The following DPP6 variants were observed in gnomAD, a reference collection of about 807,000 sequenced individuals.
DPP6 encodes dipeptidyl peptidase like 6.
A neutral mutation model predicts 122.6 loss-of-function variants in DPP6; 69 were observed. The ratio of observed to expected loss-of-function variants is 0.56; its 90% CI spans 0.46 to 0.69. The LOEUF (loss-of-function observed/expected upper bound fraction) is 0.69, where lower values mean the gene tolerates loss of function less well. DPP6 is among the 30% of genes least tolerant of loss of function. The probability of loss-of-function intolerance (pLI) is 0.00; values close to 1 mark genes in which losing one functional copy is unlikely to be tolerated. For missense variants in DPP6, 928 were observed against 1,116.9 expected, an observed-to-expected ratio of 0.83 and a Z score of 2.41; for synonymous variants, 418 against 433.1, an observed-to-expected ratio of 0.97 and a Z score of 0.43.
At chr7:154,406,171 C>T (rs1033595840) in intron 1 of DPP6, among the ~76,000 whole-genome samples, 1 of 152,158 alleles carries the variant, frequency 6.6e-6, no homozygotes, top group Non-Finnish European at 1.5e-5. Flanking sequence ...TAGGTAGTCT[C>T]ACCCTTCTAA....
chr7:154,440,846 C>A (rs1004935702), intron 1 of DPP6, among the ~76,000 whole-genome samples: 2 of 152,146 alleles, frequency 1.3e-5, no homozygotes, highest in East Asian at 1.9e-4. Flanking sequence ...ATGTGGCTGG[C>A]AAGGCTGGAC....
At chr7:154,432,246 A>G (rs1818486478) in intron 1 of DPP6, among the ~76,000 whole-genome samples, 1 of 152,206 alleles carries the variant, frequency 6.6e-6, no homozygotes, top group Non-Finnish European at 1.5e-5. Flanking sequence ...TTTCTAATAC[A>G]TGTTATTTGA....
intron 1 of DPP6, among the ~76,000 whole-genome samples, chr7:154,355,555 G>A (rs975791372): frequency 2.0e-5 from 3 of 152,138 alleles, no homozygotes; most frequent in African/African-American, 7.2e-5. Flanking sequence ...GTGTGAGGTA[G>A]GGGTCATGAT....
intron 1 of DPP6, among the ~76,000 whole-genome samples, chr7:154,278,104 G>A (rs556585154): frequency 6.6e-6 from 1 of 152,296 alleles, no homozygotes; most frequent in East Asian, 1.9e-4. Context: ...TGACCACTTT[G>A]TTTCATTAAG....
intron 1 of DPP6, among the ~76,000 whole-genome samples, chr7:153,898,790 A>G (rs916576174): frequency 6.6e-6 from 1 of 152,160 alleles, no homozygotes; most frequent in Non-Finnish European, 1.5e-5. Flanking sequence ...AACCAGCCTT[A>G]TTTCTACTGG....
intron 3 of DPP6, chr7:154,475,517 A>G (rs1480199439): frequency 1.2e-5 from 2 of 167,952 alleles, no homozygotes; most frequent in African/African-American, 4.8e-5. Context: ...AGTGCTGTAC[A>G]CAGATGCAGA....
At chr7:154,409,803 G>A (rs904011935) in intron 1 of DPP6, among the ~76,000 whole-genome samples, 1 of 152,192 alleles carries the variant, frequency 6.6e-6, no homozygotes, top group African/African-American at 2.4e-5. Flanking sequence ...TCCCTGACCT[G>A]TGGCACCACT....
intron 6 of DPP6, among the ~76,000 whole-genome samples, chr7:154,666,236 A>G (rs1277535758): frequency 2.2e-5 from 2 of 91,850 alleles, no homozygotes; most frequent in African/African-American, 3.9e-5. Flanking sequence ...CATACATACT[A>G]TAACACATAC....
At chr7:153,937,931 A>C (rs1023161105) in intron 1 of DPP6, among the ~76,000 whole-genome samples, 6 of 152,174 alleles carry the variant, frequency 3.9e-5, no homozygotes, top group African/African-American at 7.2e-5. Context: ...CACATGCCAG[A>C]TCCCATTCAA....
chr7:154,179,746 G>A (rs1275898599), intron 1 of DPP6, among the ~76,000 whole-genome samples: 1 of 152,200 alleles, frequency 6.6e-6, no homozygotes, highest in Non-Finnish European at 1.5e-5. Context: ...CACAACATGT[G>A]AAGTTGTTAA....
In DPP6 at chr7:154,052,631, C is replaced by G. The variant is rs1032938709; in HGVS notation, c.-190C>G. 5.5e-6 allele frequency: 7 copies of G among 1,274,992 alleles called. No individual in the cohort carries two copies. The highest frequency in any genetic ancestry group is 7.0e-6 in the Non-Finnish European group (7 of 1,001,984). The allele number at this position is 1,274,992 out of a possible 1,614,324, so 79.0% of individuals were successfully genotyped here. A position where few individuals can be genotyped will look rare whatever the true frequency, so the allele number is the denominator to read the frequency against. On this transcript the variant is annotated 5_prime_UTR_variant, in exon 1 of 26. Coordinates refer to ENST00000377770, the MANE Select transcript of DPP6 (RefSeq NM_130797.4). This position sits in a 1 kb window ranked among gnomAD's most constrained non-coding sequence, Gnocchi z 4.8. The stretch of plus-strand genomic sequence containing the variant: ...AGGAGGCTGAGCCAGGCAGAGTCGC[C>G]AGCGGAGACTCGCGAGTGGCGCGCG...
At chr7:154,185,922 G>A (rs1416306617) in intron 1 of DPP6, among the ~76,000 whole-genome samples, 3 of 152,282 alleles carry the variant, frequency 2.0e-5, no homozygotes, top group Admixed American at 6.5e-5. Context: ...GTATATAAGC[G>A]GGTATTTCTT....
intron 1 of DPP6, among the ~76,000 whole-genome samples, chr7:154,164,906 G>C (rs1323370215): frequency 1.3e-5 from 2 of 152,174 alleles, no homozygotes; most frequent in Non-Finnish European, 2.9e-5. Flanking sequence ...CAGCTGGTAT[G>C]AATGAGGCTG....
chr7:154,147,330 A>G (rs1340228416), intron 1 of DPP6, among the ~76,000 whole-genome samples: 5 of 152,178 alleles, frequency 3.3e-5, no homozygotes, highest in Non-Finnish European at 5.9e-5. Context: ...CTGTGGATGA[A>G]TACATGCATA....
intron 1 of DPP6, among the ~76,000 whole-genome samples, chr7:154,203,875 TAGAG>T (rs1279144032): frequency 4.6e-5 from 7 of 152,226 alleles, no homozygotes; most frequent in Admixed American, 3.9e-4. Context: ...TATAAGAAGA[TAGAG>T]GCAGTAACAT....
intron 3 of DPP6, among the ~76,000 whole-genome samples, chr7:154,524,550 G>A (rs1357137523): frequency 6.6e-6 from 1 of 152,150 alleles, no homozygotes; most frequent in Non-Finnish European, 1.5e-5. Context: ...GCCTCTTCTT[G>A]GATGACTGGA....
the DPP6 span, among the ~76,000 whole-genome samples, chr7:153,829,107 A>G: frequency 6.6e-6 from 1 of 152,202 alleles, no homozygotes; most frequent in Non-Finnish European, 1.5e-5. Context: ...TGTAGAAACA[A>G]TATTTTGCAA....
At position 153,947,567 on chromosome 7, in the gene DPP6, G is replaced by GCAGTGGAGACCTGAAGAGA. The variant is rs1169195648; in HGVS notation, c.51+59839_51+59857dup. ...CATGTGATATGGAAGCCTTCCTAAGGCAGTGGAGACCTGAAGAGACAGTGA... is the reference window on the plus strand; with the variant it reads ...CATGTGATATGGAAGCCTTCCTAAGGCAGTGGAGACCTGAAGAGACAGTGGAGACCTGAAGAGACAGTGA... On this transcript the variant is annotated intron_variant, in intron 1 of 25. Transcript: ENST00000404039. Among the ~76,000 whole-genome samples, 231 of 152,274 alleles carry GCAGTGGAGACCTGAAGAGA rather than the reference G, an allele frequency of 1.5e-3. 1 individual carries two copies. The highest frequency in any genetic ancestry group is 5.4e-3 in the African/African-American group (226 of 41,544).
At chr7:154,585,672 AATGTAAATGCT>A (rs1832392778) in intron 5 of DPP6, among the ~76,000 whole-genome samples, 1 of 152,250 alleles carries the variant, frequency 6.6e-6, no homozygotes, top group African/African-American at 2.4e-5. Flanking sequence ...AATCAAATAC[AATGTAAATGCT>A]ATGTAAAAAG....
Sources: gnomAD v4.1 joint callset for allele counts (sites outside exome capture counted in the v4.1 genomes callset) on GRCh38, gnomAD v4.1.1 for gene constraint, Gnocchi (gnomAD v3.1) non-coding constraint, MANE v1.5 for transcripts, NCBI Gene and HGNC (gene_info 2026-07-23, HGNC 2026-07-21) for gene names.